HEPHL1: variants seen among roughly 807,000 people sequenced by gnomAD.
The protein encoded by HEPHL1 is ferroxidase HEPHL1.
In HEPHL1, 123 loss-of-function variants were observed where a neutral mutation model predicts 122.0. The ratio of observed to expected loss-of-function variants is 1.01; its 90% CI spans 0.87 to 1.17. HEPHL1 has a LOEUF of 1.17. HEPHL1 is among the 50% of genes most tolerant of loss of function. HEPHL1 has a pLI of 0.00. For synonymous variants in HEPHL1, 527 were observed against 508.9 expected, an observed-to-expected ratio of 1.04 and a Z score of -0.48; for missense variants, 1,452 against 1,430.5, an observed-to-expected ratio of 1.01 and a Z score of -0.24.
chr11:94,061,916 C>G (rs796116247), intron 2 of HEPHL1, among the ~76,000 whole-genome samples: 11 of 152,032 alleles, frequency 7.2e-5, no homozygotes, highest in African/African-American at 2.4e-4. Flanking sequence ...GTAAGTTTCC[C>G]TTTACTGGAC....
chr11:94,071,278 T>G (rs539998899), intron 6 of HEPHL1, among the ~76,000 whole-genome samples: 1 of 152,280 alleles, frequency 6.6e-6, no homozygotes, highest in East Asian at 1.9e-4. Flanking sequence ...AGGGAATGTT[T>G]TAAAAATTCT....
Position 94,075,184 on chromosome 11 carries a change from A to G in HEPHL1, c.1515A>G (p.Lys505=). The change falls in exon 9 of 20, where the codon AAA becomes AAG. Residue 505 remains lysine (K), a synonymous_variant. Coordinates refer to ENST00000315765, the MANE Select transcript of HEPHL1 (RefSeq NM_001098672.2). ...TGTTTATATCCTCAGGATTTGTGAA[A>G]CCAGGGGCGCATGTTAAACCAGGTG... ...DAAPNLDGFV[K]PGAHVKPGET... is the part of the protein sequence containing the mutation. 1.2e-6 allele frequency: 2 copies of G among 1,612,732 alleles called. No homozygotes were observed. Among genetic ancestry groups the G allele is most frequent in the Non-Finnish European group, 1.7e-6 (2 of 1,179,314 alleles).
intron 17 of HEPHL1, among the ~76,000 whole-genome samples, chr11:94,107,624 T>C (rs1373291940): frequency 6.6e-6 from 1 of 152,240 alleles, no homozygotes; most frequent in Non-Finnish European, 1.5e-5. Flanking sequence ...TTTGAAAGGT[T>C]ATGTGGAAAT....
At chr11:94,093,409 G>A (rs1946277999) in intron 12 of HEPHL1, 92 bp from the exon 13 acceptor site, 3 of 1,430,244 alleles carry the variant, frequency 2.1e-6, no homozygotes, top group Non-Finnish European at 2.9e-6. Flanking sequence ...GGTTTGGGGA[G>A]CACTTCTCCA....
chr11:94,084,974 C>T (rs1946204144), intron 10 of HEPHL1, among the ~76,000 whole-genome samples: 1 of 152,112 alleles, frequency 6.6e-6, no homozygotes, highest in Non-Finnish European at 1.5e-5. Context: ...CACTTTTGCA[C>T]CAACCTAACA....
intron 17 of HEPHL1, among the ~76,000 whole-genome samples, chr11:94,108,101 G>T (rs1010145793): frequency 7.2e-5 from 11 of 152,092 alleles, no homozygotes; most frequent in African/African-American, 2.2e-4. Flanking sequence ...CCCTCCTTGG[G>T]GAGGGGATAT....
At chr11:94,097,774 G>A (rs1181565307) in intron 13 of HEPHL1, among the ~76,000 whole-genome samples, 1 of 152,114 alleles carries the variant, frequency 6.6e-6, no homozygotes, top group Non-Finnish European at 1.5e-5. Context: ...GTATGTAATG[G>A]CCTTCTTTGT....
chr11:94,055,990 C>G (rs1214831120), intron 2 of HEPHL1: 19 of 984,244 alleles, frequency 1.9e-5, no homozygotes, highest in Middle Eastern at 3.4e-4. Flanking sequence ...TCTGCTGGAC[C>G]CTTTCGCAGC....
At chr11:94,032,802 T>C (rs1290292529) in intron 1 of HEPHL1, among the ~76,000 whole-genome samples, 1 of 152,184 alleles carries the variant, frequency 6.6e-6, no homozygotes. Flanking sequence ...AGCTTCCTGA[T>C]AAGATCTCAG....
intron 2 of HEPHL1, among the ~76,000 whole-genome samples, chr11:94,057,803 T>C (rs970004147): frequency 6.6e-6 from 1 of 152,162 alleles, no homozygotes; most frequent in African/African-American, 2.4e-5. Context: ...TGCCTTTTTT[T>C]CTCTATTAAT....
chr11:94,104,532 C>T lies in HEPHL1; in HGVS notation c.2687C>T (p.Thr896Met), dbSNP rs372919867. The T allele has an allele frequency of 2.0e-5, 32 of 1,604,998 alleles. No individual in the cohort carries two copies. The highest frequency in any genetic ancestry group is 1.3e-4 in the South Asian group (12 of 90,688). ...YYSTVNFVKDTYSGLMGPLIT... is the reference protein window; with the variant it reads ...YYSTVNFVKDMYSGLMGPLIT... ...TCAGTTTATTTTTTCTTCCAGGATA[C>T]GTATAGTGGTTTGATGGGTCCTCTG... Residue 896 changes from threonine to methionine, a missense_variant, in exon 16 of 20, where the codon ACG becomes ATG. Thr to Met is a moderately conservative substitution (Grantham distance 81, BLOSUM62 -1). Coordinates refer to ENST00000315765, the MANE Select transcript of HEPHL1 (RefSeq NM_001098672.2).
At chr11:94,035,897 C>A (rs973346965) in intron 1 of HEPHL1, among the ~76,000 whole-genome samples, 1 of 152,254 alleles carries the variant, frequency 6.6e-6, no homozygotes, top group East Asian at 1.9e-4. Context: ...TTACCACGCC[C>A]GGCTAATTTT....
intron 17 of HEPHL1, among the ~76,000 whole-genome samples, chr11:94,107,661 C>T (rs956051963): frequency 6.6e-6 from 1 of 152,136 alleles, no homozygotes; most frequent in Non-Finnish European, 1.5e-5. Context: ...TTGAATCTGG[C>T]TTGTTTGATT....
chr11:94,035,969 C>T (rs1945718436), intron 1 of HEPHL1, among the ~76,000 whole-genome samples: 1 of 152,314 alleles, frequency 6.6e-6, no homozygotes, highest in Admixed American at 6.5e-5. Context: ...ATCTCCTGAC[C>T]TCGTGATCCG....
At chr11:94,075,626 C>T (rs1946117062) in intron 9 of HEPHL1, among the ~76,000 whole-genome samples, 1 of 152,150 alleles carries the variant, frequency 6.6e-6, no homozygotes, top group African/African-American at 2.4e-5. Context: ...TAGGATTTGG[C>T]AGGCCTCTTT....
intron 9 of HEPHL1, among the ~76,000 whole-genome samples, chr11:94,081,970 C>A (rs969267978): frequency 6.6e-6 from 1 of 152,096 alleles, no homozygotes; most frequent in African/African-American, 2.4e-5. Flanking sequence ...AATTCATGTT[C>A]CACAACACAT....
At chr11:94,026,154 G>A (rs1196604803) in intron 1 of HEPHL1, among the ~76,000 whole-genome samples, 1 of 152,090 alleles carries the variant, frequency 6.6e-6, no homozygotes, top group Non-Finnish European at 1.5e-5. Context: ...GCACATTCAT[G>A]GTCACAAGAT....
At chr11:94,027,055 T>A (rs747680335) in intron 1 of HEPHL1, among the ~76,000 whole-genome samples, 2 of 152,050 alleles carry the variant, frequency 1.3e-5, no homozygotes, top group Non-Finnish European at 2.9e-5. Flanking sequence ...CCTCTGGAGG[T>A]TCTAAGGGAG....
intron 13 of HEPHL1, among the ~76,000 whole-genome samples, chr11:94,100,009 ACCCACTGTCCTGCC>A (rs1231073817): frequency 6.6e-6 from 1 of 151,898 alleles, no homozygotes; most frequent in Non-Finnish European, 1.5e-5. Flanking sequence ...GGTGGGCTGC[ACCCACTGTCCTGCC>A]CCCACTGTCT....
Sources: gnomAD v4.1 joint callset for allele counts (sites outside exome capture counted in the v4.1 genomes callset) on GRCh38, gnomAD v4.1.1 for gene constraint, MANE v1.5 for transcripts, NCBI Gene and HGNC (gene_info 2026-07-23, HGNC 2026-07-21) for gene names.